Variants in SLC28A1 observed in about 807,000 individuals in gnomAD.
SLC28A1 encodes the protein solute carrier family 28 member 1.
SLC28A1 carries 64 observed loss-of-function variants against 74.8 expected under a neutral mutation model. The observed-to-expected ratio is 0.86, with a 90% CI of 0.70 to 1.05. The LOEUF (loss-of-function observed/expected upper bound fraction) is 1.05. Among genes scored for constraint, SLC28A1 ranks in the 50% least tolerant of loss-of-function variants. The probability of loss-of-function intolerance (pLI) is 0.00; values close to 1 mark genes in which losing one functional copy is unlikely to be tolerated. For missense variants in SLC28A1, 828 were observed against 822.8 expected (o/e 1.01, Z -0.08); for synonymous variants, 359 against 335.0 (o/e 1.07, Z -0.78).
At chr15:84,927,987 G>A (rs749977656) in intron 12 of SLC28A1, among the ~76,000 whole-genome samples, 3 of 152,160 alleles carry the variant, frequency 2.0e-5, no homozygotes, top group South Asian at 2.1e-4. Flanking sequence ...CTTAGACAAC[G>A]AAAAGAATAA....
chr15:84,913,971 C>A (rs1466167310), intron 9 of SLC28A1, among the ~76,000 whole-genome samples: 1 of 152,054 alleles, frequency 6.6e-6, no homozygotes, highest in Non-Finnish European at 1.5e-5. Flanking sequence ...TTTTTTGAGA[C>A]AGGATCTCAC....
At chr15:84,900,988 C>T (rs540329904) in intron 6 of SLC28A1, among the ~76,000 whole-genome samples, 1 of 152,146 alleles carries the variant, frequency 6.6e-6, no homozygotes, top group African/African-American at 2.4e-5. Flanking sequence ...CTTTGGGAGG[C>T]TGAGGCAGGC....
At chr15:84,923,142 T>C (rs1970046393) in intron 11 of SLC28A1, among the ~76,000 whole-genome samples, 1 of 152,206 alleles carries the variant, frequency 6.6e-6, no homozygotes, top group Non-Finnish European at 1.5e-5. Flanking sequence ...TTCACCATGT[T>C]GGCCAGGCTG....
At chr15:84,912,932 G>A (rs1968562776) in intron 9 of SLC28A1, among the ~76,000 whole-genome samples, 1 of 152,032 alleles carries the variant, frequency 6.6e-6, no homozygotes. Context: ...TTTCGGTGAA[G>A]GGAATGGGAA....
At chr15:84,890,876 T>C (rs1965297934) in intron 5 of SLC28A1, among the ~76,000 whole-genome samples, 1 of 151,770 alleles carries the variant, frequency 6.6e-6, no homozygotes, top group South Asian at 2.1e-4. Flanking sequence ...CAGGTGGAGG[T>C]GATAGATACT....
chr15:84,935,606 T>C, intron 15 of SLC28A1, 88 bp downstream of exon 15: 1 of 1,140,520 alleles, frequency 8.8e-7, no homozygotes, highest in East Asian at 2.3e-5. Context: ...TCCCGCTCCC[T>C]GGGCCTGGCT....
chr15:84,970,418 T>G, the SLC28A1 span, among the ~76,000 whole-genome samples: 2 of 152,138 alleles, frequency 1.3e-5, no homozygotes, highest in Non-Finnish European at 2.9e-5. Context: ...CAATCAACCT[T>G]GACCCTTTGT....
chr15:84,918,477 A>T (rs1233840442), intron 9 of SLC28A1, 47 bp from the exon 10 acceptor site: 1 of 1,513,172 alleles, frequency 6.6e-7, no homozygotes. Flanking sequence ...GGCACCCTGC[A>T]TCCTGCCTGC....
At chr15:84,926,531 T>G (rs1245509057) in intron 12 of SLC28A1, 1 of 455,314 alleles carries the variant, frequency 2.2e-6, no homozygotes, top group African/African-American at 2.0e-5. Flanking sequence ...TTCTTTCCCT[T>G]TGATCCAGCT....
rs1288936998 is a variant in SLC28A1, at chr15:84,944,869, T to C, written c.1874+2T>C. ...GTGCTGCCGTGAGGCCTTCCAGAGG[T>C]GAGGGCCTGGGCTGTGGGACCTGCA... On this transcript the variant is annotated splice_donor_variant, in intron 18 of 18. Transcript: ENST00000394573. LOFTEE classifies it high-confidence loss of function. 1 of 1,598,248 alleles carries C rather than the reference T, an allele frequency of 6.3e-7. No homozygotes were observed. Among genetic ancestry groups the C allele is most frequent in the South Asian group, 1.1e-5 (1 of 90,672 alleles).
At chr15:84,906,561 TTTCTCTTTCTTTCTTC>T (rs1596264136) in intron 8 of SLC28A1, among the ~76,000 whole-genome samples, 18 of 86,254 alleles carry the variant, frequency 2.1e-4, no homozygotes, top group African/African-American at 8.8e-4. Flanking sequence ...TCTTTCTTTC[TTTCTCTTTCTTTCTTC>T]CTTCCTTCCT....
chr15:84,972,597 C>A, the SLC28A1 span, among the ~76,000 whole-genome samples: 1 of 152,192 alleles, frequency 6.6e-6, no homozygotes, highest in Non-Finnish European at 1.5e-5. Flanking sequence ...ATACTTCTAG[C>A]CACAGCCTTT....
At chr15:84,913,994 G>A (rs990926950) in intron 9 of SLC28A1, among the ~76,000 whole-genome samples, 2 of 152,142 alleles carry the variant, frequency 1.3e-5, no homozygotes, top group African/African-American at 4.8e-5. Flanking sequence ...TGTTGCCCAG[G>A]CTGGAGTGCA....
chr15:84,890,512 C>T lies in SLC28A1; in HGVS notation c.255C>T (p.Ile85=), dbSNP rs749336969. 2.5e-5 allele frequency: 41 copies of T among 1,611,086 alleles called. No individual in the cohort carries two copies. In the East Asian group the frequency reaches 4.9e-4, roughly 19 times the overall value. ...CREHMQLFRW[I]GTGLLCTGLS... ...AGCACATGCAGCTGTTTCGATGGAT[C>T]GGCACAGGCCTGCTCTGCACTGGTG... Residue 85 remains isoleucine, a synonymous_variant, in exon 5 of 19, where the codon ATC becomes ATT. Transcript: ENST00000394573.
At chr15:84,888,175 C>G (rs1331523875) in intron 3 of SLC28A1, among the ~76,000 whole-genome samples, 9 of 152,158 alleles carry the variant, frequency 5.9e-5, no homozygotes, top group Non-Finnish European at 1.2e-4. Context: ...GAATGAGAAT[C>G]AAAACCAGAT....
At chr15:84,898,331 C>A (rs149988080) in intron 6 of SLC28A1, among the ~76,000 whole-genome samples, 355 of 152,268 alleles carry the variant, frequency 2.3e-3, no homozygotes, top group African/African-American at 7.7e-3. Context: ...GTAATCCCAA[C>A]ACTTTGGGAG....
downstream of SLC28A1, among the ~76,000 whole-genome samples, chr15:84,946,431 T>TTACAACAACTTCATGCAGTAGGTGTTA (rs2079233227): frequency 6.6e-6 from 1 of 152,076 alleles, no homozygotes; most frequent in Non-Finnish European, 1.5e-5. Flanking sequence ...AACTCAATCC[T>TTACAACAACTTCATGCAGTAGGTGTTA]TACAACAACT....
chr15:84,938,316 T>C (rs998985181), intron 15 of SLC28A1: 2 of 27,150 alleles, frequency 7.4e-5, no homozygotes, highest in African/African-American at 1.1e-3. Context: ...CGCCCCTTCC[T>C]GTTCTTTTTT....
At chr15:84,885,458 G>A (rs1254398522) in intron 1 of SLC28A1, among the ~76,000 whole-genome samples, 5 of 151,652 alleles carry the variant, frequency 3.3e-5, no homozygotes, top group African/African-American at 7.3e-5. Flanking sequence ...AAGGCCAGGC[G>A]CGGTGGCTCA....
Sources: gnomAD v4.1 joint callset for allele counts (sites outside exome capture counted in the v4.1 genomes callset) on GRCh38, gnomAD v4.1.1 for gene constraint, MANE v1.5 for transcripts, NCBI Gene and HGNC (gene_info 2026-07-23, HGNC 2026-07-21) for gene names.